The following MEGF9 variants were observed in gnomAD, a reference collection of about 807,000 sequenced individuals.
The protein encoded by MEGF9 is multiple EGF like domains 9.
Under a neutral mutation model 46.8 loss-of-function variants are expected in MEGF9, and 6 were observed. The ratio of observed to expected loss-of-function variants is 0.13; its 90% CI spans 0.07 to 0.25. The LOEUF (loss-of-function observed/expected upper bound fraction) is 0.25, where lower values mean the gene tolerates loss of function less well. Ranked by LOEUF, MEGF9 falls within the 10% of genes least tolerant of loss-of-function variation. The pLI is 1.00. For missense variants in MEGF9, 683 were observed against 792.4 expected (o/e 0.86, Z 1.66); for synonymous variants, 302 against 330.7 (o/e 0.91, Z 0.94).
chr9:120,695,850 G>A (rs977297031), intron 1 of MEGF9, among the ~76,000 whole-genome samples: 15 of 152,124 alleles, frequency 9.9e-5, no homozygotes, highest in African/African-American at 3.1e-4. Context: ...ACCGCATCAC[G>A]TAGGTTCATA....
At chr9:120,695,631 C>CAAAAAAAAAAAAAAAA (rs2043873143) in intron 1 of MEGF9, among the ~76,000 whole-genome samples, 2 of 111,280 alleles carry the variant, frequency 1.8e-5, no homozygotes, top group African/African-American at 7.7e-5. Flanking sequence ...AAAAAAAAAG[C>CAAAAAAAAAAAAAAAA]AAATAATCAA....
rs1198729395 is a variant in MEGF9, at chr9:120,604,064, A to G, written c.*1126T>C. 1 of 152,670 alleles carries G rather than the reference A, an allele frequency of 6.6e-6. No individual in the cohort carries two copies. The highest frequency in any genetic ancestry group is 2.4e-5 in the African/African-American group (1 of 41,464). The allele number at this position is 152,670 out of a possible 1,614,324, so 9.5% of individuals were successfully genotyped here. ...TTATATTAATCTATGTAAAATATAT[A>G]GGGTGGCTAATGTCTAATTAGATTA... On this transcript the variant is annotated 3_prime_UTR_variant, in exon 6 of 6. Coordinates refer to ENST00000373930, the MANE Select transcript of MEGF9 (RefSeq NM_001080497.3).
chr9:120,647,064 G>A (rs2043628990), intron 2 of MEGF9, among the ~76,000 whole-genome samples: 2 of 151,662 alleles, frequency 1.3e-5, no homozygotes, highest in African/African-American at 4.8e-5. Flanking sequence ...GTTTAGGGAC[G>A]GTAACATGTT....
At chr9:120,614,813 TTCCATA>T (rs1306335833) in intron 3 of MEGF9, among the ~76,000 whole-genome samples, 1 of 151,510 alleles carries the variant, frequency 6.6e-6, no homozygotes, top group Non-Finnish European at 1.5e-5. Flanking sequence ...AAGCTAACAG[TTCCATA>T]GTAAAATTTG....
At chr9:120,657,800 C>A (rs973484529) in intron 2 of MEGF9, among the ~76,000 whole-genome samples, 3 of 152,128 alleles carry the variant, frequency 2.0e-5, no homozygotes, top group African/African-American at 7.2e-5. Context: ...AGTGAAGACA[C>A]TGGACTTGGA....
intron 1 of MEGF9, among the ~76,000 whole-genome samples, chr9:120,681,582 A>C (rs1207862982): frequency 6.6e-6 from 1 of 152,154 alleles, no homozygotes; most frequent in East Asian, 1.9e-4. Flanking sequence ...GAAAAAAAAA[A>C]AGAATGCATT....
intron 2 of MEGF9, among the ~76,000 whole-genome samples, chr9:120,632,935 A>G (rs1468514071): frequency 2.0e-5 from 3 of 152,162 alleles, no homozygotes; most frequent in Non-Finnish European, 4.4e-5. Context: ...TCCCTAGTAT[A>G]AATCCCACTT....
At chr9:120,690,217 G>A (rs1477325986) in intron 1 of MEGF9, among the ~76,000 whole-genome samples, 1 of 152,132 alleles carries the variant, frequency 6.6e-6, no homozygotes, top group Non-Finnish European at 1.5e-5. Context: ...GAAATTACGA[G>A]GTCCAAGGAC....
At chr9:120,682,442 A>C (rs1287974970) in intron 1 of MEGF9, among the ~76,000 whole-genome samples, 1 of 152,198 alleles carries the variant, frequency 6.6e-6, no homozygotes, top group Admixed American at 6.5e-5. Context: ...AGAGAACAAA[A>C]GGAAAGGTCA....
Position 120,648,253 on chromosome 9 carries a change from G to A in MEGF9, c.803+11121C>T, listed in dbSNP as rs542868675. Among the ~76,000 whole-genome samples, 6 of 151,402 alleles carry A rather than the reference G, an allele frequency of 4.0e-5. No homozygotes were observed. In the East Asian group the frequency reaches 7.7e-4, roughly 20 times the overall value. On this transcript the variant is annotated intron_variant, in intron 2 of 5. Coordinates refer to ENST00000373930, the MANE Select transcript of MEGF9 (RefSeq NM_001080497.3). ...ATCAGGGCCTTCATGGTTTGGCCCC[G>A]TTTATTCTTCATTCATTCATTCTGT... is the stretch of plus-strand genomic sequence containing the variant.
At chr9:120,707,697 T>A (rs2043934896) in intron 1 of MEGF9, among the ~76,000 whole-genome samples, 1 of 152,154 alleles carries the variant, frequency 6.6e-6, no homozygotes, top group African/African-American at 2.4e-5. Context: ...GATGAAAACA[T>A]TTTCCAGTAC....
intron 2 of MEGF9, among the ~76,000 whole-genome samples, chr9:120,636,235 G>A (rs1276324232): frequency 6.6e-6 from 1 of 152,216 alleles, no homozygotes; most frequent in Non-Finnish European, 1.5e-5. Context: ...ACCGCGTCCA[G>A]CCTACCTCTT....
chr9:120,700,052 TA>T (rs2043897135), intron 1 of MEGF9, among the ~76,000 whole-genome samples: 1 of 152,216 alleles, frequency 6.6e-6, no homozygotes, highest in South Asian at 2.1e-4. Flanking sequence ...TAAGCTAATA[TA>T]AACCATGTAA....
At chr9:120,693,017 T>C (rs940750796) in intron 1 of MEGF9, among the ~76,000 whole-genome samples, 2 of 152,154 alleles carry the variant, frequency 1.3e-5, no homozygotes, top group Non-Finnish European at 2.9e-5. Context: ...CCAGGTCTTA[T>C]TTGTCTTTCC....
At chr9:120,687,878 A>C (rs1429176757) in intron 1 of MEGF9, among the ~76,000 whole-genome samples, 2 of 152,038 alleles carry the variant, frequency 1.3e-5, no homozygotes, top group African/African-American at 4.8e-5. Flanking sequence ...GAGAAAATTC[A>C]GATATTACAA....
chr9:120,695,221 A>G (rs182607123), intron 1 of MEGF9, among the ~76,000 whole-genome samples: 12 of 152,164 alleles, frequency 7.9e-5, no homozygotes, highest in Admixed American at 4.6e-4. Context: ...GCCAACATCA[A>G]TAAGACACAG....
At chr9:120,689,952 A>T (rs1296123695) in intron 1 of MEGF9, 1 of 532,742 alleles carries the variant, frequency 1.9e-6, no homozygotes, top group African/African-American at 1.9e-5. Context: ...TGAGACTCTA[A>T]GATTCATGAC....
At chr9:120,664,072 G>A (rs2043714483) in intron 1 of MEGF9, among the ~76,000 whole-genome samples, 1 of 152,016 alleles carries the variant, frequency 6.6e-6, no homozygotes, top group Non-Finnish European at 1.5e-5. Context: ...CTAAAAAAAA[G>A]ATTTTGTTTA....
intron 1 of MEGF9, among the ~76,000 whole-genome samples, chr9:120,662,242 T>A (rs978745061): frequency 2.6e-5 from 4 of 152,210 alleles, no homozygotes; most frequent in Non-Finnish European, 4.4e-5. Flanking sequence ...CTATAGTCAG[T>A]CTAATATCTT....
Sources: gnomAD v4.1 joint callset for allele counts (sites outside exome capture counted in the v4.1 genomes callset) on GRCh38, gnomAD v4.1.1 for gene constraint, MANE v1.5 for transcripts, NCBI Gene and HGNC (gene_info 2026-07-23, HGNC 2026-07-21) for gene names.